The following ASTN2 variants were observed in gnomAD, a reference collection of about 807,000 sequenced individuals.
ASTN2 encodes the protein astrotactin 2, also known as astrotactin-2.
In ASTN2, 54 loss-of-function variants were observed where a neutral mutation model predicts 139.8. The observed-to-expected ratio is 0.39, with a 90% confidence interval of 0.31 to 0.48. ASTN2 has a LOEUF of 0.48. Among genes scored for constraint, ASTN2 ranks in the 20% least tolerant of loss-of-function variants. The pLI, the probability that ASTN2 is intolerant of heterozygous loss-of-function variation, is 0.95. For missense variants in ASTN2, 1,565 were observed against 1,725.1 expected (o/e 0.91, Z 1.64); for synonymous variants, 756 against 719.5 (o/e 1.05, Z -0.81).
chr9:117,339,342 G>A (rs1828989524), intron 1 of ASTN2, among the ~76,000 whole-genome samples: 1 of 152,030 alleles, frequency 6.6e-6, no homozygotes, highest in Non-Finnish European at 1.5e-5. Flanking sequence ...AGATTTGAAG[G>A]GTACACATGA....
At chr9:117,171,747 G>GT (rs1238351191) in intron 3 of ASTN2, among the ~76,000 whole-genome samples, 2 of 151,934 alleles carry the variant, frequency 1.3e-5, no homozygotes, top group African/African-American at 4.8e-5. Context: ...GGCCATAATT[G>GT]TAAGTTTAAG....
At position 116,698,939 on chromosome 9, in the gene ASTN2, C is replaced by T. The variant is rs779442616; in HGVS notation, c.2806+26832G>A. On this transcript the variant is annotated intron_variant, in intron 16 of 22. Transcript: ENST00000313400. The surrounding 1 kb of genome is among the most constrained non-coding windows in gnomAD (Gnocchi z 4.4). ...GTAACTATCGTATACAAGTCTTTAC[C>T]CGCAAAGGCTTTTTGAAGGAAATCC... 6.2e-7 allele frequency: 1 copy of T among 1,614,190 alleles called. No individual in the cohort carries two copies. Among genetic ancestry groups the T allele is most frequent in the Non-Finnish European group, 8.5e-7 (1 of 1,180,046 alleles).
Position 116,918,696 on chromosome 9 carries a change from T to C in ASTN2, c.1890-54963A>G, listed in dbSNP as rs138364404. Among the ~76,000 whole-genome samples the C allele has an allele frequency of 1.0e-3, 158 of 152,324 alleles. 1 individual carries two copies. In the East Asian group the frequency reaches 0.018, roughly 18 times the overall value. Reference sequence around the variant, plus strand: ...GGCATCTCCATTACACGGACTATTATGCAGCTATCAGAAATGATGTTTACA... The same window carrying C: ...GGCATCTCCATTACACGGACTATTACGCAGCTATCAGAAATGATGTTTACA... On this transcript the variant is annotated intron_variant, in intron 10 of 22. Transcript: ENST00000313400.
chr9:116,704,248 G>GTT (rs1827931223), intron 16 of ASTN2, among the ~76,000 whole-genome samples: 1 of 152,132 alleles, frequency 6.6e-6, no homozygotes, highest in East Asian at 1.9e-4. Context: ...TAATTAATTT[G>GTT]TTAACCAATG....
At chr9:117,287,099 G>GT (rs1257555834) in intron 2 of ASTN2, among the ~76,000 whole-genome samples, 1 of 152,116 alleles carries the variant, frequency 6.6e-6, no homozygotes, top group East Asian at 1.9e-4. Flanking sequence ...AATAATAGAG[G>GT]TGCTGCACTT....
chr9:116,745,686 C>T (rs1829216029), intron 13 of ASTN2, among the ~76,000 whole-genome samples: 1 of 152,172 alleles, frequency 6.6e-6, no homozygotes, highest in South Asian at 2.1e-4. Flanking sequence ...GGCCATCATC[C>T]CCTCTCATAG....
At chr9:116,683,619 T>C (rs1330246554) in intron 16 of ASTN2, among the ~76,000 whole-genome samples, 2 of 152,228 alleles carry the variant, frequency 1.3e-5, no homozygotes, top group East Asian at 3.8e-4. Context: ...GCTGATGTGT[T>C]AAGCATTGCT....
At chr9:116,898,005 T>C (rs1400240558) in intron 10 of ASTN2, among the ~76,000 whole-genome samples, 1 of 152,124 alleles carries the variant, frequency 6.6e-6, no homozygotes, top group Non-Finnish European at 1.5e-5. Flanking sequence ...GTGATATTGT[T>C]CTAATTTATG....
intron 19 of ASTN2, among the ~76,000 whole-genome samples, chr9:116,553,452 C>T (rs1852446927): frequency 6.6e-6 from 1 of 152,148 alleles, no homozygotes; most frequent in African/African-American, 2.4e-5. Flanking sequence ...TCACTGTTAT[C>T]CTCGGCAGAT....
intron 16 of ASTN2, among the ~76,000 whole-genome samples, chr9:116,677,217 G>A (rs1859559724): frequency 6.6e-6 from 1 of 150,714 alleles, no homozygotes; most frequent in Non-Finnish European, 1.5e-5. Context: ...TTTTTGTCTT[G>A]CCACTCTTAA....
chr9:116,616,931 C>T (rs1057185943), intron 19 of ASTN2, among the ~76,000 whole-genome samples: 1 of 152,142 alleles, frequency 6.6e-6, no homozygotes, highest in Admixed American at 6.6e-5. Context: ...CACAGTCTTG[C>T]GCAAACACAT....
intron 2 of ASTN2, among the ~76,000 whole-genome samples, chr9:117,248,184 C>T (rs572084496): frequency 6.6e-6 from 1 of 152,138 alleles, no homozygotes; most frequent in Non-Finnish European, 1.5e-5. Context: ...AGGAAGGGTA[C>T]CTTGTCTACA....
At chr9:116,908,744 G>A (rs1564335484) in intron 10 of ASTN2, among the ~76,000 whole-genome samples, 1 of 152,182 alleles carries the variant, frequency 6.6e-6, no homozygotes, top group Non-Finnish European at 1.5e-5. Context: ...GAGAAGCTGT[G>A]TATGCAGAGA....
intron 4 of ASTN2, among the ~76,000 whole-genome samples, chr9:117,098,778 T>TAAA (rs34559407): frequency 5.0e-4 from 71 of 142,024 alleles, no homozygotes; most frequent in South Asian, 1.6e-3. Context: ...ATTTTACTGT[T>TAAA]AAAAAAAAAA....
At chr9:116,648,887 A>G (rs998620304) in intron 17 of ASTN2, among the ~76,000 whole-genome samples, 9 of 152,098 alleles carry the variant, frequency 5.9e-5, no homozygotes, top group African/African-American at 2.2e-4. Flanking sequence ...TACAAAAATT[A>G]GCCAGGCATG....
intron 5 of ASTN2, among the ~76,000 whole-genome samples, chr9:117,063,356 C>T (rs569700636): frequency 4.6e-5 from 7 of 152,088 alleles, no homozygotes; most frequent in Non-Finnish European, 1.0e-4. Context: ...GGGAGGGACC[C>T]AGTGGGAGAT....
At chr9:116,745,486 A>C (rs1182571836) in intron 13 of ASTN2, among the ~76,000 whole-genome samples, 1 of 152,184 alleles carries the variant, frequency 6.6e-6, no homozygotes, top group Non-Finnish European at 1.5e-5. Context: ...TTTCCACAGC[A>C]CTTGACTTTG....
chr9:116,919,011 C>CA (rs1411520044), intron 10 of ASTN2, among the ~76,000 whole-genome samples: 1 of 148,166 alleles, frequency 6.7e-6, no homozygotes, highest in Non-Finnish European at 1.5e-5. Context: ...TCATTTTGGG[C>CA]TTTTTTTTTT....
At chr9:116,566,372 T>G (rs1449139813) in intron 19 of ASTN2, among the ~76,000 whole-genome samples, 2 of 152,206 alleles carry the variant, frequency 1.3e-5, no homozygotes, top group Non-Finnish European at 2.9e-5. Context: ...TAGCCTTTAC[T>G]GACAGCCTCC....
Sources: allele counts gnomAD v4.1 joint callset (sites outside exome capture counted in the v4.1 genomes callset), GRCh38; gene constraint gnomAD v4.1.1; non-coding constraint Gnocchi (gnomAD v3.1); transcripts MANE v1.5; gene names NCBI Gene and HGNC (gene_info 2026-07-23, HGNC 2026-07-21).